Variants in ZNF583 observed in about 807,000 individuals in gnomAD.
ZNF583 encodes zinc finger protein 583.
In ZNF583, 30 loss-of-function variants were observed where a neutral mutation model predicts 55.3. That is an observed-to-expected ratio of 0.54 (90% CI 0.41 to 0.74). The LOEUF is 0.74. ZNF583 is among the 30% of genes least tolerant of loss of function. The pLI, the probability that ZNF583 is intolerant of heterozygous loss-of-function variation, is 0.00. For synonymous variants in ZNF583, 208 were observed against 220.0 expected (o/e 0.95, Z 0.48); for missense variants, 504 against 664.7 (o/e 0.76, Z 2.66).
Position 56,425,859 on chromosome 19 carries a change from C to A in ZNF583, c.*1491C>A, listed in dbSNP as rs2042489045. 6.6e-6 allele frequency: 1 copy of A among 152,124 alleles called. No individual in the cohort carries two copies. The highest frequency in any genetic ancestry group is 6.6e-5 in the Admixed American group (1 of 15,266). 9.4% of individuals were successfully genotyped at this position (152,124 alleles called of 1,614,324 possible). On this transcript the variant is annotated 3_prime_UTR_variant, in exon 5 of 5. Coordinates refer to ENST00000333201, the MANE Select transcript of ZNF583 (RefSeq NM_152478.3). ...ATACCTTCAGCAGACCATGTGTTTT[C>A]CCTTTCTCCAACATTCAAACCACTC... is the stretch of plus-strand genomic sequence containing the variant.
intron 4 of ZNF583, among the ~76,000 whole-genome samples, chr19:56,422,427 GT>G (rs2042430149): frequency 6.6e-6 from 1 of 152,122 alleles, no homozygotes; most frequent in African/African-American, 2.4e-5. Context: ...TACCCATAGA[GT>G]TTTATGAACA....
chr19:56,424,310 C>A lies in ZNF583; in HGVS notation c.1652C>A (p.Ser551Tyr). ...ACTATGGAGTCATTCTTGACTCTTT[C>A]CTCTCCCTCACCCTCCACATCAAAT... ...IHTMESFLTL[S>Y]SPSPSTSNQL... The change falls in exon 5 of 5, where the codon TCC becomes TAC. Residue 551 changes from serine (S) to tyrosine (Y), a missense_variant. Physicochemically the swap from Ser to Tyr is moderately radical, Grantham distance 144. This residue lies in a region of ZNF583 where 63 missense variants were observed against 56.5 expected (regional missense o/e 1.11). Transcript: ENST00000333201. The A allele has an allele frequency of 1.9e-6, 3 of 1,605,370 alleles. No homozygotes were observed. The highest frequency in any genetic ancestry group is 2.6e-6 in the Non-Finnish European group (3 of 1,172,284).
chr19:56,421,852 T>C (rs772621063), intron 4 of ZNF583, among the ~76,000 whole-genome samples: 1 of 152,174 alleles, frequency 6.6e-6, no homozygotes, highest in Non-Finnish European at 1.5e-5. Context: ...AGTTAAGTGC[T>C]ATGAAGTGCA....
At chr19:56,416,661 A>G (rs77701500) in intron 4 of ZNF583, among the ~76,000 whole-genome samples, 4,122 of 150,070 alleles carry the variant, frequency 0.027, 197 homozygotes, top group African/African-American at 0.096. Context: ...ACTGCTGTTC[A>G]TACTAGATAA....
chr19:56,421,093 A>G (rs2042407246), intron 4 of ZNF583, among the ~76,000 whole-genome samples: 1 of 152,180 alleles, frequency 6.6e-6, no homozygotes, highest in Non-Finnish European at 1.5e-5. Context: ...TCTTGAGACC[A>G]GCAGCACCAC....
chr19:56,405,460 G>C (rs1236800463), intron 1 of ZNF583, among the ~76,000 whole-genome samples: 1 of 152,176 alleles, frequency 6.6e-6, no homozygotes, highest in Non-Finnish European at 1.5e-5. Flanking sequence ...AGCTGTGTGG[G>C]TGCTTGGAGA....
intron 4 of ZNF583, 36 bp downstream of exon 4, chr19:56,414,476 G>A: frequency 6.4e-7 from 1 of 1,568,416 alleles, no homozygotes; most frequent in Non-Finnish European, 8.7e-7. Context: ...AGAAGCCATT[G>A]CCAGGAAAAG....
At chr19:56,421,087 G>C (rs564681070) in intron 4 of ZNF583, among the ~76,000 whole-genome samples, 92 of 152,172 alleles carry the variant, frequency 6.0e-4, no homozygotes, top group South Asian at 2.9e-3. Flanking sequence ...ATGTCGTCTT[G>C]AGACCAGCAG....
chr19:56,407,049 C>G lies in ZNF583; in HGVS notation c.-66C>G, dbSNP rs747751502. 355 of 1,594,408 alleles carry G rather than the reference C, an allele frequency of 2.2e-4. No individual in the cohort carries two copies. The highest frequency in any genetic ancestry group is 2.9e-4 in the Non-Finnish European group (336 of 1,164,924). ...AGCTCGACTTTCTCAGGATACTGTCCCTCTCCCACAGAGGAGCTGAAGGAG... is the reference window on the plus strand; with the variant it reads ...AGCTCGACTTTCTCAGGATACTGTCGCTCTCCCACAGAGGAGCTGAAGGAG... On this transcript the variant is annotated 5_prime_UTR_variant, in exon 2 of 5. Transcript: ENST00000333201.
chr19:56,414,178 C>T, intron 3 of ZNF583, 93 bp downstream of exon 3: 1 of 1,540,244 alleles, frequency 6.5e-7, no homozygotes, highest in Non-Finnish European at 8.8e-7. Flanking sequence ...ACTAAATTTC[C>T]TTTTCTTGTG....
At position 56,406,812 on chromosome 19, in the gene ZNF583, C is replaced by G. The variant is rs577549326; in HGVS notation, c.-89-214C>G. 1.6e-4 allele frequency among the ~76,000 whole-genome samples: 23 copies of G among 145,866 alleles called. No homozygotes were observed. In the South Asian group the frequency reaches 4.0e-3, roughly 25 times the overall value. On this transcript the variant is annotated intron_variant, in intron 1 of 4. Coordinates refer to ENST00000333201, the MANE Select transcript of ZNF583 (RefSeq NM_152478.3). The stretch of plus-strand genomic sequence containing the variant: ...AAAGTGCTGGGATTACAGGCGTGAG[C>G]CACCGCGCCTGGCCCGTATGTTGTA...
chr19:56,412,164 A>T (rs2042248359), intron 2 of ZNF583, among the ~76,000 whole-genome samples: 1 of 152,184 alleles, frequency 6.6e-6, no homozygotes, highest in Admixed American at 6.5e-5. Flanking sequence ...TTTATCAATG[A>T]GTGTGGCAGT....
chr19:56,415,187 A>T (rs1246191357), intron 4 of ZNF583, among the ~76,000 whole-genome samples: 1 of 152,128 alleles, frequency 6.6e-6, no homozygotes, highest in Non-Finnish European at 1.5e-5. Flanking sequence ...TCTTGGGATT[A>T]TTCAGAGGCT....
chr19:56,414,317 T>C, intron 3 of ZNF583, 28 bp from the exon 4 acceptor site: 1 of 1,608,486 alleles, frequency 6.2e-7, no homozygotes, highest in Non-Finnish European at 8.5e-7. Flanking sequence ...TAGACCTGCC[T>C]AATTCCCCTT....
At position 56,413,962 on chromosome 19, in the gene ZNF583, T is replaced by C. The variant is rs774999664; in HGVS notation, c.13T>C (p.Leu5=). Residue 5 remains leucine, a synonymous_variant, in exon 3 of 5, where the codon TTG becomes CTG. Coordinates refer to ENST00000333201, the MANE Select transcript of ZNF583 (RefSeq NM_152478.3). Reference sequence around the variant, plus strand: ...GAATGTGTTTATGTCATTTCAGGATTTGGTGACATTTGGGGATGTGGCTGT... The same window carrying C: ...GAATGTGTTTATGTCATTTCAGGATCTGGTGACATTTGGGGATGTGGCTGT... The part of the protein sequence containing the change: MSKD[L]VTFGDVAVNF... 6 of 1,613,966 alleles carry C rather than the reference T, an allele frequency of 3.7e-6. No individual in the cohort carries two copies. Among genetic ancestry groups the C allele is most frequent in the Non-Finnish European group, 5.1e-6 (6 of 1,179,990 alleles).
In ZNF583 at chr19:56,423,886, T is replaced by C; in HGVS notation, c.1228T>C (p.Cys410Arg). 1 of 1,613,964 alleles carries C rather than the reference T, an allele frequency of 6.2e-7. No homozygotes were observed. The highest frequency in any genetic ancestry group is 8.5e-7 in the Non-Finnish European group (1 of 1,179,938). ...RVHTGEKPYE[C>R]KVCRKAFSQI... is the part of the protein sequence containing the mutation. ...TCATACTGGAGAAAAACCTTATGAA[T>C]GTAAAGTATGTAGGAAAGCCTTCAG... The change falls in exon 5 of 5, where the codon TGT becomes CGT. Residue 410 changes from cysteine to arginine, a missense_variant. Physicochemically the swap from Cys to Arg is radical, Grantham distance 180. Around this residue, in one of 3 missense-constraint regions of ZNF583, gnomAD observed 237 missense variants for 373.0 expected, o/e 0.64. Coordinates refer to ENST00000333201, the MANE Select transcript of ZNF583 (RefSeq NM_152478.3).
At chr19:56,417,581 G>A (rs12981443) in intron 4 of ZNF583, among the ~76,000 whole-genome samples, 85,344 of 152,002 alleles carry the variant, frequency 0.56, 24,336 homozygotes, top group East Asian at 0.88. Flanking sequence ...TCATTTATAT[G>A]TATTGGCTTA....
At chr19:56,415,880 T>C (rs1391386216) in intron 4 of ZNF583, among the ~76,000 whole-genome samples, 2 of 152,130 alleles carry the variant, frequency 1.3e-5, no homozygotes, top group East Asian at 3.9e-4. Context: ...TTTGGTTAAA[T>C]TTTATGCATT....
rs958089551 is a variant in ZNF583 at position 56,425,481 on chromosome 19, A to T, written c.*1113A>T. ...TGCCTTGGCCTCCCAAAGTGCTGGG[A>T]TTACATGCGTGAGCTACCGTGCCTG... On this transcript the variant is annotated 3_prime_UTR_variant, in exon 5 of 5. Transcript: ENST00000333201. 2.6e-5 allele frequency: 4 copies of T among 152,230 alleles called. No homozygotes were observed. Among genetic ancestry groups the T allele is most frequent in the Admixed American group, 6.5e-5 (1 of 15,282 alleles). 9.4% of individuals were successfully genotyped at this position (152,230 alleles called of 1,614,324 possible).
Sources: allele counts gnomAD v4.1 joint callset (sites outside exome capture counted in the v4.1 genomes callset), GRCh38; gene constraint gnomAD v4.1.1; regional missense constraint gnomAD v4.1.1; transcripts MANE v1.5; gene names NCBI Gene and HGNC (gene_info 2026-07-23, HGNC 2026-07-21).